Variants in TENM2 observed in about 807,000 individuals in gnomAD.
TENM2 encodes teneurin transmembrane protein 2, also known as teneurin-2.
A neutral mutation model predicts 245.2 loss-of-function variants in TENM2; 52 were observed. That is an observed-to-expected ratio of 0.21 (90% CI 0.17 to 0.27). The LOEUF is 0.27. Among genes scored for constraint, TENM2 ranks in the 10% least tolerant of loss-of-function variants. TENM2 has a pLI of 1.00. For missense variants in TENM2, 3,046 were observed against 3,666.8 expected (o/e 0.83, Z 4.37); for synonymous variants, 1,363 against 1,438.9 (o/e 0.95, Z 1.19).
chr5:167,858,728 C>A (rs999612899), intron 2 of TENM2, among the ~76,000 whole-genome samples: 1 of 150,786 alleles, frequency 6.6e-6, no homozygotes, highest in South Asian at 2.1e-4. Context: ...CGCGACCGAC[C>A]GCAGCCGCCG....
chr5:167,659,471 G>A (rs1214182177), intron 2 of TENM2, among the ~76,000 whole-genome samples: 1 of 152,112 alleles, frequency 6.6e-6, no homozygotes, highest in Non-Finnish European at 1.5e-5. Context: ...TTGAATACAA[G>A]GAAGCAAATG....
the TENM2 span, among the ~76,000 whole-genome samples, chr5:167,117,803 G>T: frequency 6.6e-6 from 1 of 152,080 alleles, no homozygotes; most frequent in African/African-American, 2.4e-5. Flanking sequence ...CTACCCACTA[G>T]ATGTCAGGAT....
chr5:167,417,273 C>T (rs1426900795), intron 2 of TENM2, among the ~76,000 whole-genome samples: 2 of 152,080 alleles, frequency 1.3e-5, no homozygotes, highest in Non-Finnish European at 2.9e-5. Flanking sequence ...AATTTAACAC[C>T]AACACTTGCT....
chr5:167,765,757 T>C (rs1486952776), intron 2 of TENM2, among the ~76,000 whole-genome samples: 2 of 152,242 alleles, frequency 1.3e-5, no homozygotes, highest in African/African-American at 4.8e-5. Flanking sequence ...GCACAGAGCC[T>C]GTTGCCAGGG....
chr5:167,261,039 T>C, the TENM2 span, among the ~76,000 whole-genome samples: 19 of 152,142 alleles, frequency 1.2e-4, no homozygotes, highest in African/African-American at 4.6e-4. Context: ...AGGACAGTGG[T>C]TCTCAAAGTA....
chr5:167,147,501 T>C, the TENM2 span, among the ~76,000 whole-genome samples: 16 of 152,168 alleles, frequency 1.1e-4, no homozygotes, highest in African/African-American at 3.9e-4. Context: ...TACATTATGA[T>C]GACAAGTTAA....
Position 168,106,366 on chromosome 5 carries a change from TCA to T in TENM2, c.1813+8240_1813+8241del, listed in dbSNP as rs1794242347. Among the ~76,000 whole-genome samples the T allele has an allele frequency of 6.1e-5, 9 of 147,132 alleles. 1 individual carries two copies. Among genetic ancestry groups the T allele is most frequent in the African/African-American group, 2.3e-4 (9 of 39,632 alleles). On this transcript the variant is annotated intron_variant, in intron 9 of 28. Transcript: ENST00000518659. ...CAAATCATCATCATCATCATCATCATCAGAGCTGGCATTTATTGAGTTCTTAC... is the reference window on the plus strand; with the variant it reads ...CAAATCATCATCATCATCATCATCATGAGCTGGCATTTATTGAGTTCTTAC...
At chr5:167,580,110 T>A (rs1361609278) in intron 2 of TENM2, among the ~76,000 whole-genome samples, 2 of 152,144 alleles carry the variant, frequency 1.3e-5, no homozygotes, top group Admixed American at 1.3e-4. Flanking sequence ...TTATCCAGGG[T>A]TTGAATTTCC....
At chr5:168,042,390 G>A (rs903061586) in intron 5 of TENM2, among the ~76,000 whole-genome samples, 1 of 152,106 alleles carries the variant, frequency 6.6e-6, no homozygotes. Flanking sequence ...GACAAGCAGG[G>A]GCTGAGCAGC....
chr5:167,111,259 A>G, the TENM2 span, among the ~76,000 whole-genome samples: 1 of 152,212 alleles, frequency 6.6e-6, no homozygotes, highest in Admixed American at 6.5e-5. Flanking sequence ...CCCAGAGATC[A>G]AAATATTACA....
At chr5:167,228,974 A>C in the TENM2 span, among the ~76,000 whole-genome samples, 1 of 152,202 alleles carries the variant, frequency 6.6e-6, no homozygotes, top group Non-Finnish European at 1.5e-5. Flanking sequence ...TGCTGGGATT[A>C]CAGGCGTGAG....
chr5:167,488,843 T>A (rs938462832), intron 2 of TENM2, among the ~76,000 whole-genome samples: 2 of 152,218 alleles, frequency 1.3e-5, no homozygotes, highest in African/African-American at 4.8e-5. Context: ...TTCCTGGTCT[T>A]ACCTCTCAAG....
At chr5:167,461,829 T>C (rs1157025572) in intron 2 of TENM2, among the ~76,000 whole-genome samples, 2 of 152,256 alleles carry the variant, frequency 1.3e-5, no homozygotes, top group African/African-American at 2.4e-5. Context: ...TTTTGTTTGC[T>C]TGTTTCACCT....
At chr5:167,861,125 G>A (rs962643149) in intron 2 of TENM2, among the ~76,000 whole-genome samples, 5 of 151,096 alleles carry the variant, frequency 3.3e-5, no homozygotes, top group Non-Finnish European at 7.4e-5. Flanking sequence ...TCGCTCACTT[G>A]GCTATGTCTA....
the TENM2 span, among the ~76,000 whole-genome samples, chr5:167,073,613 C>A: frequency 6.6e-6 from 1 of 152,160 alleles, no homozygotes; most frequent in Non-Finnish European, 1.5e-5. Context: ...TCTTTTCTAC[C>A]TGGATAGATC....
chr5:167,368,867 C>T (rs1436524715), intron 1 of TENM2, among the ~76,000 whole-genome samples: 1 of 152,106 alleles, frequency 6.6e-6, no homozygotes, highest in African/African-American at 2.4e-5. Flanking sequence ...TACCATTCCC[C>T]TCAGGTCCTC....
intron 21 of TENM2, among the ~76,000 whole-genome samples, chr5:168,215,754 C>A (rs936504684): frequency 6.6e-6 from 1 of 152,196 alleles, no homozygotes. Flanking sequence ...AAGGGGATTG[C>A]GCCTGGAGAT....
the TENM2 span, among the ~76,000 whole-genome samples, chr5:167,086,480 T>A: frequency 1.3e-5 from 2 of 152,184 alleles, no homozygotes; most frequent in Non-Finnish European, 2.9e-5. Flanking sequence ...TTTCTTTGTA[T>A]CTTCGTAAAT....
At chr5:167,253,580 TTTC>T in the TENM2 span, among the ~76,000 whole-genome samples, 1 of 152,180 alleles carries the variant, frequency 6.6e-6, no homozygotes, top group African/African-American at 2.4e-5. Flanking sequence ...TGAATTTCTA[TTTC>T]TTAAGTGATT....
Sources: gnomAD v4.1 joint callset for allele counts (sites outside exome capture counted in the v4.1 genomes callset) on GRCh38, gnomAD v4.1.1 for gene constraint, MANE v1.5 for transcripts, NCBI Gene and HGNC (gene_info 2026-07-23, HGNC 2026-07-21) for gene names.